Variants in KCNS3 observed in about 807,000 individuals in gnomAD.
KCNS3 encodes the protein delayed-rectifier potassium channel regulatory subunit KCNS3.
In KCNS3, 13 loss-of-function variants were observed where a neutral mutation model predicts 31.0. The ratio of observed to expected loss-of-function variants is 0.42; its 90% confidence interval spans 0.27 to 0.67. The LOEUF (loss-of-function observed/expected upper bound fraction) is 0.67. Ranked by LOEUF, KCNS3 falls within the 30% of genes least tolerant of loss-of-function variation. The pLI, the probability that KCNS3 is intolerant of heterozygous loss-of-function variation, is 0.25. For synonymous variants in KCNS3, 238 were observed against 241.5 expected (o/e 0.99, Z 0.13); for missense variants, 545 against 622.4 (o/e 0.88, Z 1.32).
chr2:17,906,786 T>C (rs911574879), intron 1 of KCNS3, among the ~76,000 whole-genome samples: 13 of 152,240 alleles, frequency 8.5e-5, no homozygotes, highest in African/African-American at 3.1e-4. Flanking sequence ...AGTTTCTTAA[T>C]CCTGAGTTCT....
intron 2 of KCNS3, among the ~76,000 whole-genome samples, chr2:17,926,405 C>T (rs1238772923): frequency 3.3e-5 from 5 of 152,202 alleles, no homozygotes; most frequent in East Asian, 1.9e-4. Flanking sequence ...GGGGACTCTG[C>T]GTGGGATTCT....
Position 17,879,270 on chromosome 2 carries a change from G to A in KCNS3, c.-252+464G>A, listed in dbSNP as rs189943992. 2.8e-3 allele frequency: 420 copies of A among 152,352 alleles called. 3 individuals are homozygous for A. The highest frequency in any genetic ancestry group is 7.7e-3 in the South Asian group (37 of 4,826). The allele number at this position is 152,352 out of a possible 1,614,324, so 9.4% of individuals were successfully genotyped here. A position where few individuals can be genotyped will look rare whatever the true frequency, so the allele number is the denominator to read the frequency against. ...AGCCGTTCCTTCCCTTCCTCGAGAG[G>A]AGGCGCTTTCCTGGCGCTTGTAAAT... On this transcript the variant is annotated intron_variant, in intron 1 of 2. Transcript: ENST00000304101.
In KCNS3 at chr2:17,914,387, C is replaced by T. The variant is rs143644548; in HGVS notation, c.-251-3293C>T. 8.6e-3 allele frequency among the ~76,000 whole-genome samples: 1,308 copies of T among 152,232 alleles called. 18 individuals carry two copies. The highest frequency in any genetic ancestry group is 0.029 in the African/African-American group (1,196 of 41,540). Reference sequence around the variant, plus strand: ...GGGATTATACAGATACCTGAAACTCCGAGGTCTTGACATTCAAAACCCCAC... The same window carrying T: ...GGGATTATACAGATACCTGAAACTCTGAGGTCTTGACATTCAAAACCCCAC... On this transcript the variant is annotated intron_variant, in intron 1 of 2. Transcript: ENST00000304101.
chr2:17,887,694 GT>G (rs1477891416), intron 1 of KCNS3, among the ~76,000 whole-genome samples: 1 of 152,164 alleles, frequency 6.6e-6, no homozygotes, highest in Non-Finnish European at 1.5e-5. Context: ...ATACCCAGTA[GT>G]GAGATTGCTG....
At chr2:17,878,502 CGCGCCCTCGGCCCGGGGCGCCCGGCT>C (rs1420773910), upstream of KCNS3, among the ~76,000 whole-genome samples, 1 of 151,536 alleles carries the variant, frequency 6.6e-6, no homozygotes, top group African/African-American at 2.4e-5. Context: ...CTCAGCCGCC[CGCGCCCTCGGCCCGGGGCGCCCGGCT>C]GCGGGCCCGA....
intron 1 of KCNS3, among the ~76,000 whole-genome samples, chr2:17,905,818 A>G (rs1277398198): frequency 4.6e-5 from 7 of 152,136 alleles, no homozygotes; most frequent in Non-Finnish European, 8.8e-5. Flanking sequence ...AGCCCACTTG[A>G]TCATGGTGGG....
chr2:17,907,841 A>T (rs1662373361), intron 1 of KCNS3, among the ~76,000 whole-genome samples: 1 of 152,302 alleles, frequency 6.6e-6, no homozygotes. Context: ...TGTTAGTCTG[A>T]TGGGTTTCCC....
intron 2 of KCNS3, among the ~76,000 whole-genome samples, chr2:17,919,226 G>A (rs1662658397): frequency 6.6e-6 from 1 of 152,170 alleles, no homozygotes; most frequent in African/African-American, 2.4e-5. Context: ...GAGGGAGTGA[G>A]TACAACTTTA....
intron 1 of KCNS3, among the ~76,000 whole-genome samples, 168 bp from the exon 2 acceptor site, chr2:17,917,512 T>G (rs1662616030): frequency 6.6e-6 from 1 of 152,262 alleles, no homozygotes; most frequent in South Asian, 2.1e-4. Context: ...CCAATGGCAG[T>G]GATGGTTCCA....
At chr2:17,888,670 T>TATATATATATAA (rs1256591810) in intron 1 of KCNS3, among the ~76,000 whole-genome samples, 23 of 129,146 alleles carry the variant, frequency 1.8e-4, no homozygotes, top group Admixed American at 2.3e-4. Flanking sequence ...TATATATATA[T>TATATATATATAA]ATAAAGAAAA....
Position 17,932,141 on chromosome 2 carries a change from C to A in KCNS3, c.1133C>A (p.Pro378Gln). 6.2e-7 allele frequency: 1 copy of A among 1,614,044 alleles called. No homozygotes were observed. The highest frequency in any genetic ancestry group is 8.5e-7 in the Non-Finnish European group (1 of 1,180,000). ...ACTGTGGGCTATGGAGACACCCACC[C>A]GGTCACCTTGGCGGGAAAGCTCATC... ...MTTVGYGDTH[P>Q]VTLAGKLIAS... The change falls in exon 3 of 3, where the codon CCG (proline) becomes CAG (glutamine). Residue 378 changes from proline (P) to glutamine (Q), a missense_variant. Physicochemically the swap from Pro to Gln is moderately conservative, Grantham distance 76. Coordinates refer to ENST00000304101, the MANE Select transcript of KCNS3 (RefSeq NM_002252.5).
intron 1 of KCNS3, among the ~76,000 whole-genome samples, chr2:17,902,847 C>T (rs1042508730): frequency 1.3e-5 from 2 of 152,114 alleles, no homozygotes; most frequent in African/African-American, 2.4e-5. Flanking sequence ...GGTTAGTGTG[C>T]TTTTATTGAT....
intron 1 of KCNS3, among the ~76,000 whole-genome samples, chr2:17,905,290 C>T (rs998137612): frequency 2.8e-4 from 43 of 151,858 alleles, no homozygotes; most frequent in African/African-American, 6.3e-4. Flanking sequence ...AGAATGCTTG[C>T]GATTTTTGCA....
intron 2 of KCNS3, among the ~76,000 whole-genome samples, chr2:17,926,816 A>G (rs745324371): frequency 6.6e-6 from 1 of 152,122 alleles, no homozygotes; most frequent in Non-Finnish European, 1.5e-5. Context: ...CCCTGGAGAA[A>G]TTTTCCCCAT....
intron 2 of KCNS3, among the ~76,000 whole-genome samples, chr2:17,928,432 A>G (rs543041429): frequency 1.3e-5 from 2 of 152,102 alleles, no homozygotes; most frequent in Non-Finnish European, 2.9e-5. Flanking sequence ...ATGCCCAGCT[A>G]ATTTTTGTAT....
chr2:17,899,184 C>T (rs1429244190), intron 1 of KCNS3, among the ~76,000 whole-genome samples: 1 of 152,098 alleles, frequency 6.6e-6, no homozygotes, highest in Non-Finnish European at 1.5e-5. Context: ...CGAGATCCCA[C>T]CACTGCACTC....
At chr2:17,878,968 T>C (rs1052256425) in intron 1 of KCNS3, among the ~76,000 whole-genome samples, 162 bp downstream of exon 1, 1 of 152,000 alleles carries the variant, frequency 6.6e-6, no homozygotes, top group African/African-American at 2.4e-5. Context: ...GCACTTTCCG[T>C]CCTTCTGGGC....
chr2:17,917,108 C>T (rs1204557830), intron 1 of KCNS3, among the ~76,000 whole-genome samples: 1 of 152,150 alleles, frequency 6.6e-6, no homozygotes, highest in African/African-American at 2.4e-5. Flanking sequence ...ACTTCATATA[C>T]ATAACCACAC....
At chr2:17,905,509 T>C (rs933957756) in intron 1 of KCNS3, among the ~76,000 whole-genome samples, 2 of 152,048 alleles carry the variant, frequency 1.3e-5, no homozygotes, top group Non-Finnish European at 2.9e-5. Context: ...TGAATAGGAG[T>C]GGTGAGAGAG....
Sources: allele counts gnomAD v4.1 joint callset (sites outside exome capture counted in the v4.1 genomes callset), GRCh38; gene constraint gnomAD v4.1.1; transcripts MANE v1.5; gene names NCBI Gene and HGNC (gene_info 2026-07-23, HGNC 2026-07-21).